The following CUL1 variants were observed in gnomAD, a reference collection of about 807,000 sequenced individuals.
CUL1 encodes cullin-1.
In CUL1, 24 loss-of-function variants were observed where a neutral mutation model predicts 118.0. That is an observed-to-expected ratio of 0.20 (90% CI 0.15 to 0.29). The LOEUF is 0.29. Ranked by LOEUF, CUL1 falls within the 10% of genes least tolerant of loss-of-function variation. CUL1 has a pLI of 1.00. For synonymous variants in CUL1, 332 were observed against 340.4 expected (o/e 0.98, Z 0.27); for missense variants, 361 against 933.8 (o/e 0.39, Z 7.99).
At chr7:148,731,850 C>T (rs1462285860) in intron 2 of CUL1, among the ~76,000 whole-genome samples, 1 of 152,218 alleles carries the variant, frequency 6.6e-6, no homozygotes, top group Non-Finnish European at 1.5e-5. Context: ...TAGCGCGTAT[C>T]ACTGTGTACG....
At position 148,787,056 on chromosome 7, in the gene CUL1, A is replaced by C; in HGVS notation, c.1415A>C (p.Lys472Thr). 1 of 1,613,880 alleles carries C rather than the reference A, an allele frequency of 6.2e-7. No homozygotes were observed. Among genetic ancestry groups the C allele is most frequent in the Non-Finnish European group, 8.5e-7 (1 of 1,179,856 alleles). Residue 472 changes from lysine to threonine, a missense_variant, in exon 13 of 22, where the codon AAG becomes ACG. By Grantham distance (78) the Lys-to-Thr change is moderately conservative. Coordinates refer to ENST00000325222, the MANE Select transcript of CUL1 (RefSeq NM_003592.3). The surrounding 1 kb of genome is among the most constrained non-coding windows in gnomAD (Gnocchi z 5.5). ...AAGTTCTATGCGAAGATGCTCGCCA[A>C]GAGGCTCGTCCACCAGAACAGTGCA... ...FQKFYAKMLAKRLVHQNSASD... is the reference protein window; with the variant it reads ...FQKFYAKMLATRLVHQNSASD...
intron 2 of CUL1, among the ~76,000 whole-genome samples, chr7:148,735,287 T>C (rs1798902328): frequency 6.6e-6 from 1 of 152,266 alleles, no homozygotes; most frequent in Non-Finnish European, 1.5e-5. Context: ...AGCCTGCGGC[T>C]GTGCTTTGCA....
intron 7 of CUL1, among the ~76,000 whole-genome samples, chr7:148,761,287 C>A (rs1006174804): frequency 2.0e-5 from 3 of 152,242 alleles, no homozygotes; most frequent in South Asian, 2.1e-4. Context: ...GTGGGTGGAT[C>A]ACCTGAAGTC....
At chr7:148,736,073 C>T (rs902569231) in intron 2 of CUL1, among the ~76,000 whole-genome samples, 4 of 150,840 alleles carry the variant, frequency 2.7e-5, no homozygotes, top group Non-Finnish European at 5.9e-5. Flanking sequence ...ACTCAGGAGG[C>T]TGAGGCAGGA....
chr7:148,719,883 G>C (rs1172164781), intron 1 of CUL1, among the ~76,000 whole-genome samples: 1 of 152,092 alleles, frequency 6.6e-6, no homozygotes, highest in Admixed American at 6.5e-5. Context: ...AGTAACTCTT[G>C]GTAGCACACT....
At chr7:148,774,557 T>C (rs1800335097) in intron 9 of CUL1, among the ~76,000 whole-genome samples, 1 of 152,224 alleles carries the variant, frequency 6.6e-6, no homozygotes, top group Non-Finnish European at 1.5e-5. Context: ...TGTTACTGTA[T>C]TCCCCCACAA....
At chr7:148,782,968 C>T (rs931212712) in intron 9 of CUL1, among the ~76,000 whole-genome samples, 1 of 152,052 alleles carries the variant, frequency 6.6e-6, no homozygotes, top group Non-Finnish European at 1.5e-5. Context: ...TGGCAGTGTG[C>T]TTAGCTGTGA....
intron 9 of CUL1, among the ~76,000 whole-genome samples, chr7:148,773,385 C>T (rs1250350862): frequency 6.6e-6 from 1 of 152,056 alleles, no homozygotes; most frequent in African/African-American, 2.4e-5. Flanking sequence ...CAAATCCTCC[C>T]TTCTAGAAAG....
At chr7:148,786,907 G>T in intron 12 of CUL1, 82 bp from the exon 13 acceptor site, 1 of 1,537,572 alleles carries the variant, frequency 6.5e-7, no homozygotes. Flanking sequence ...TTGGCTCCTG[G>T]CTTGTGGCCG....
chr7:148,790,532 A>C (rs1198713270), intron 16 of CUL1, 91 bp downstream of exon 16: 1 of 1,146,938 alleles, frequency 8.7e-7, no homozygotes, highest in Admixed American at 2.3e-5. Flanking sequence ...CAGCAGCAGA[A>C]TCTAGAATTC....
At chr7:148,797,913 A>T (rs1208724967) in intron 18 of CUL1, 24 bp from the exon 19 acceptor site, 3 of 1,610,110 alleles carry the variant, frequency 1.9e-6, no homozygotes, top group South Asian at 2.2e-5. Flanking sequence ...CTGAGATTGT[A>T]GAGTAACAAT....
chr7:148,763,845 A>C (rs1166402455), intron 7 of CUL1, among the ~76,000 whole-genome samples: 1 of 152,220 alleles, frequency 6.6e-6, no homozygotes, highest in Non-Finnish European at 1.5e-5. Context: ...ATGAGATAAA[A>C]CATGACCCTT....
At chr7:148,756,226 A>C (rs930696102) in intron 3 of CUL1, among the ~76,000 whole-genome samples, 10 of 152,368 alleles carry the variant, frequency 6.6e-5, no homozygotes, top group African/African-American at 2.4e-4. Flanking sequence ...ACCACAAAAA[A>C]GTGTTTTTAT....
At chr7:148,772,189 C>T (rs772468037) in intron 9 of CUL1, among the ~76,000 whole-genome samples, 1 of 152,136 alleles carries the variant, frequency 6.6e-6, no homozygotes, top group Non-Finnish European at 1.5e-5. Context: ...CCAAGGCAGG[C>T]AGATCACCTG....
Position 148,790,458 on chromosome 7 carries a change from A to G in CUL1, c.1806+17A>G. Reference sequence around the variant, plus strand: ...ACTTTGCAGGTAAGATCACATTTTTATCTTAAAATTTTTCTATTCTAAATG... The same window carrying G: ...ACTTTGCAGGTAAGATCACATTTTTGTCTTAAAATTTTTCTATTCTAAATG... On this transcript the variant is annotated intron_variant, in intron 16 of 21. Transcript: ENST00000325222. 1 of 1,603,170 alleles carries G rather than the reference A, an allele frequency of 6.2e-7. No homozygotes were observed. Among genetic ancestry groups the G allele is most frequent in the South Asian group, 1.1e-5 (1 of 89,706 alleles).
At chr7:148,751,306 G>T (rs2129460253) in intron 2 of CUL1, among the ~76,000 whole-genome samples, 1 of 152,186 alleles carries the variant, frequency 6.6e-6, no homozygotes, top group Non-Finnish European at 1.5e-5. Context: ...TAGCAACTTT[G>T]GGAGGTCGAG....
Position 148,792,710 on chromosome 7 carries a change from A to G in CUL1, c.1807-16A>G, listed in dbSNP as rs778585190. The G allele has an allele frequency of 6.9e-6, 11 of 1,599,004 alleles. No homozygotes were observed. The Admixed American group carries it at 8.6e-5, about 12-fold the overall frequency. On this transcript the variant is annotated splice_polypyrimidine_tract_variant and intron_variant, in intron 16 of 21. Transcript: ENST00000325222. ...TAAATTTTCCTTCTTTTTCTTTTATATGGGGGGCCGCAAAGGCGTCGACAT... is the reference window on the plus strand; with the variant it reads ...TAAATTTTCCTTCTTTTTCTTTTATGTGGGGGGCCGCAAAGGCGTCGACAT...
chr7:148,746,607 A>G (rs1194174857), intron 2 of CUL1, among the ~76,000 whole-genome samples: 1 of 152,376 alleles, frequency 6.6e-6, no homozygotes, highest in South Asian at 2.1e-4. Context: ...GTAAGAGTCA[A>G]AATGATTCAG....
At chr7:148,746,680 C>G (rs1354774984) in intron 2 of CUL1, among the ~76,000 whole-genome samples, 1 of 152,172 alleles carries the variant, frequency 6.6e-6, no homozygotes, top group Non-Finnish European at 1.5e-5. Flanking sequence ...TTTTCTTTAT[C>G]CACTTACGAG....
Sources: allele counts gnomAD v4.1 joint callset (sites outside exome capture counted in the v4.1 genomes callset), GRCh38; gene constraint gnomAD v4.1.1; non-coding constraint Gnocchi (gnomAD v3.1); transcripts MANE v1.5; gene names NCBI Gene and HGNC (gene_info 2026-07-23, HGNC 2026-07-21).